Variants in ORC2 observed in about 807,000 individuals in gnomAD.
ORC2 encodes origin recognition complex protein 2 homolog.
ORC2 carries 37 observed loss-of-function variants against 77.7 expected under a neutral mutation model. The ratio of observed to expected loss-of-function variants is 0.48; its 90% CI spans 0.37 to 0.63. The LOEUF is 0.63. ORC2 is among the 20% of genes least tolerant of loss of function. The pLI, the probability that ORC2 is intolerant of heterozygous loss-of-function variation, is 0.00. For missense variants in ORC2, 557 were observed against 661.9 expected, an observed-to-expected ratio of 0.84 and a Z score of 1.74; for synonymous variants, 201 against 229.5, an observed-to-expected ratio of 0.88 and a Z score of 1.12.
At chr2:200,923,850 T>G (rs1223648933) in intron 13 of ORC2, among the ~76,000 whole-genome samples, 1 of 152,204 alleles carries the variant, frequency 6.6e-6, no homozygotes, top group Non-Finnish European at 1.5e-5. Flanking sequence ...GGCAAAGCAT[T>G]GCCTTGTTTG....
rs1166338458 is a variant in ORC2, at chr2:200,925,857, T to G, written c.1126A>C (p.Ile376Leu). ...TTACCTTCTTTAAATTTGTTTACTA[T>G]CCAGTCTAGCTGATCCAGTATACTG... ...FRSILDQLDW[I>L]VNKFKEDSSL... Residue 376 changes from isoleucine to leucine, a missense_variant, in exon 13 of 18, where the codon ATA becomes CTA. Ile to Leu is a conservative substitution (Grantham distance 5). Coordinates refer to ENST00000234296, the MANE Select transcript of ORC2 (RefSeq NM_006190.5). The G allele has an allele frequency of 6.3e-7, 1 of 1,585,040 alleles. No homozygotes were observed. Among genetic ancestry groups the G allele is most frequent in the East Asian group, 2.2e-5 (1 of 44,482 alleles).
Position 200,949,650 on chromosome 2 carries a change from G to A in ORC2, c.239-7C>T, listed in dbSNP as rs377095682. ...GAGCCATTTTTCAATGATTCTGAAA[G>A]AAAAAAATGCAATATACATTTAGGA... On this transcript the variant is annotated splice_region_variant and splice_polypyrimidine_tract_variant and intron_variant, in intron 4 of 17. Coordinates refer to ENST00000234296, the MANE Select transcript of ORC2 (RefSeq NM_006190.5). The A allele has an allele frequency of 5.3e-6, 8 of 1,507,360 alleles. No homozygotes were observed. Among genetic ancestry groups the A allele is most frequent in the East Asian group, 2.3e-5 (1 of 43,252 alleles). The allele number at this position is 1,507,360 out of a possible 1,614,324, so 93.4% of individuals were successfully genotyped here.
chr2:200,945,940 C>CTT lies in ORC2; in HGVS notation c.329-3164_329-3163insAA, dbSNP rs546845313. On this transcript the variant is annotated intron_variant, in intron 5 of 17. Coordinates refer to ENST00000234296, the MANE Select transcript of ORC2 (RefSeq NM_006190.5). ...ATATCTAGTAGTGGGATTGCTGGATCTCAATCTATTTTTAATTTACCCATT... is the reference window on the plus strand; with the variant it reads ...ATATCTAGTAGTGGGATTGCTGGATCTTTCAATCTATTTTTAATTTACCCATT... Among the ~76,000 whole-genome samples the CTT allele has an allele frequency of 6.2e-4, 95 of 152,114 alleles. 1 individual carries two copies. Among genetic ancestry groups the CTT allele is most frequent in the Non-Finnish European group, 1.0e-4 (7 of 67,990 alleles).
chr2:200,919,530 T>C (rs1421414774), intron 15 of ORC2, among the ~76,000 whole-genome samples: 2 of 152,178 alleles, frequency 1.3e-5, no homozygotes, highest in Non-Finnish European at 2.9e-5. Context: ...GGCTAATTTT[T>C]GTATTTTTGG....
chr2:200,939,142 A>C (rs892207554), intron 7 of ORC2, among the ~76,000 whole-genome samples: 1 of 152,154 alleles, frequency 6.6e-6, no homozygotes, highest in Non-Finnish European at 1.5e-5. Flanking sequence ...ATCCTCAAAA[A>C]TTTTTACATT....
At chr2:200,950,809 C>T (rs770309461) in intron 4 of ORC2, among the ~76,000 whole-genome samples, 14 of 152,042 alleles carry the variant, frequency 9.2e-5, no homozygotes, top group Non-Finnish European at 1.5e-4. Flanking sequence ...ATTAAGCTTT[C>T]CTAGTGATCT....
intron 4 of ORC2, among the ~76,000 whole-genome samples, chr2:200,957,045 A>G (rs552015812): frequency 2.0e-5 from 3 of 152,308 alleles, no homozygotes; most frequent in South Asian, 4.1e-4. Context: ...AAGGACAGAC[A>G]GCTAATGCAT....
intron 1 of ORC2, among the ~76,000 whole-genome samples, chr2:200,960,335 G>T (rs1047971841): frequency 7.9e-5 from 12 of 152,000 alleles, no homozygotes; most frequent in Admixed American, 5.2e-4. Flanking sequence ...GCTGTGATAT[G>T]AAGGAAAAAT....
intron 5 of ORC2, among the ~76,000 whole-genome samples, chr2:200,946,042 AT>A (rs2041243928): frequency 2.0e-5 from 3 of 151,302 alleles, no homozygotes; most frequent in Admixed American, 2.0e-4. Flanking sequence ...GTTTACATTT[AT>A]TTTCTTACTC....
At chr2:200,911,506 G>A (rs2040551540) in intron 17 of ORC2, 119 bp from the exon 18 acceptor site, 1 of 570,506 alleles carries the variant, frequency 1.8e-6, no homozygotes, top group South Asian at 2.5e-5. Context: ...AAATATATAA[G>A]TATAAAAAGG....
intron 11 of ORC2, among the ~76,000 whole-genome samples, chr2:200,927,885 C>T (rs936806578): frequency 6.0e-5 from 9 of 150,670 alleles, no homozygotes; most frequent in South Asian, 4.2e-4. Flanking sequence ...TTAGTAGAGA[C>T]GGGGTTTCAC....
At position 200,911,119 on chromosome 2, in the gene ORC2, C is replaced by T. The variant is rs1347273646; in HGVS notation, c.*182G>A. ...CCAACTTGAGGACCGCTGCATAGTACTAGACGGTACCAGCCAGGCTGATCA... is the reference window on the plus strand; with the variant it reads ...CCAACTTGAGGACCGCTGCATAGTATTAGACGGTACCAGCCAGGCTGATCA... On this transcript the variant is annotated 3_prime_UTR_variant, in exon 18 of 18. Transcript: ENST00000234296. 7.0e-6 allele frequency: 4 copies of T among 568,906 alleles called. No homozygotes were observed. Among genetic ancestry groups the T allele is most frequent in the South Asian group, 2.1e-5 (1 of 48,218 alleles). 35.2% of individuals were successfully genotyped at this position (568,906 alleles called of 1,614,324 possible). A position where few individuals can be genotyped will look rare whatever the true frequency, so the allele number is the denominator to read the frequency against.
At chr2:200,959,928 G>A (rs2125041512) in intron 1 of ORC2, among the ~76,000 whole-genome samples, 1 of 152,022 alleles carries the variant, frequency 6.6e-6, no homozygotes, top group South Asian at 2.1e-4. Flanking sequence ...TGGGCGTAGT[G>A]GCATGTGCCT....
rs2040584811 is a variant in ORC2 at position 200,913,404 on chromosome 2, A to C, written c.1538T>G (p.Phe513Cys). 8 of 1,588,802 alleles carry C rather than the reference A, an allele frequency of 5.0e-6. No individual in the cohort carries two copies. The highest frequency in any genetic ancestry group is 6.9e-6 in the Non-Finnish European group (8 of 1,163,734). ...QDNPSYIGLSFQDFYQQCREA... is the reference protein window; with the variant it reads ...QDNPSYIGLSCQDFYQQCREA... ...CCGACACTGCTGGTAAAAATCTTGA[A>C]AAGAAAGGCCTGGCAAGTTCAAAAG... Residue 513 changes from phenylalanine to cysteine, a missense_variant, in exon 17 of 18, where the codon TTT becomes TGT. Coordinates refer to ENST00000234296, the MANE Select transcript of ORC2 (RefSeq NM_006190.5).
intron 4 of ORC2, among the ~76,000 whole-genome samples, chr2:200,950,984 G>T (rs189897361): frequency 6.6e-6 from 1 of 152,042 alleles, no homozygotes; most frequent in Non-Finnish European, 1.5e-5. Flanking sequence ...TTACGCTGTG[G>T]CTTGTCTTTA....
intron 15 of ORC2, among the ~76,000 whole-genome samples, chr2:200,916,378 G>A (rs1323132919): frequency 6.6e-6 from 1 of 152,008 alleles, no homozygotes; most frequent in Non-Finnish European, 1.5e-5. Context: ...CGCTACTTGT[G>A]GGATGCTGAG....
intron 7 of ORC2, among the ~76,000 whole-genome samples, chr2:200,938,172 G>A (rs1457638711): frequency 6.6e-6 from 1 of 152,102 alleles, no homozygotes; most frequent in Non-Finnish European, 1.5e-5. Context: ...GTGATTATAG[G>A]CACGTGCCAC....
intron 11 of ORC2, among the ~76,000 whole-genome samples, chr2:200,927,977 C>T (rs112153970): frequency 6.6e-6 from 1 of 151,762 alleles, no homozygotes; most frequent in Non-Finnish European, 1.5e-5. Flanking sequence ...CATGAGCCAC[C>T]GTGCAAGGCC....
At chr2:200,937,013 CT>C (rs2041059484) in intron 8 of ORC2, among the ~76,000 whole-genome samples, 1 of 151,732 alleles carries the variant, frequency 6.6e-6, no homozygotes, top group Non-Finnish European at 1.5e-5. Flanking sequence ...AAAAAAAAGG[CT>C]TGATTTTGTG....
Sources: gnomAD v4.1 joint callset for allele counts (sites outside exome capture counted in the v4.1 genomes callset) on GRCh38, gnomAD v4.1.1 for gene constraint, MANE v1.5 for transcripts, NCBI Gene and HGNC (gene_info 2026-07-23, HGNC 2026-07-21) for gene names.